SEMA6D: variants seen among roughly 807,000 people sequenced by gnomAD.
SEMA6D encodes the protein semaphorin-6D.
A neutral mutation model predicts 106.6 loss-of-function variants in SEMA6D; 35 were observed. That is an observed-to-expected ratio of 0.33 (90% CI 0.25 to 0.44). SEMA6D has a LOEUF of 0.44. SEMA6D is among the 20% of genes least tolerant of loss of function. The probability of loss-of-function intolerance (pLI) is 1.00; values close to 1 mark genes in which losing one functional copy is unlikely to be tolerated. For missense variants in SEMA6D, 1,185 were observed against 1,345.9 expected (o/e 0.88, Z 1.87); for synonymous variants, 499 against 487.7 (o/e 1.02, Z -0.31).
intron 1 of SEMA6D, among the ~76,000 whole-genome samples, chr15:47,747,214 A>C (rs1300963602): frequency 6.6e-6 from 1 of 152,090 alleles, no homozygotes; most frequent in Non-Finnish European, 1.5e-5. Context: ...AATGTTATTC[A>C]ATTTGAGTTA....
intron 3 of SEMA6D, among the ~76,000 whole-genome samples, chr15:47,542,629 C>T (rs7179135): frequency 0.13 from 19,157 of 152,186 alleles, 2,106 homozygotes; most frequent in African/African-American, 0.3. Context: ...GTTTACAGTA[C>T]TATTTTGCTT....
At chr15:47,356,393 GCC>G (rs1395851663) in intron 1 of SEMA6D, among the ~76,000 whole-genome samples, 3 of 152,104 alleles carry the variant, frequency 2.0e-5, no homozygotes, top group African/African-American at 7.2e-5. Flanking sequence ...CATGAGAAGT[GCC>G]CCACAGTACA....
rs2036259367 is a variant in SEMA6D, at chr15:47,307,017, C to CAAAT, written c.-238-105375_-238-105372dup. On this transcript the variant is annotated intron_variant, in intron 1 of 19. Transcript: ENST00000558014. ...CATTATAGTTTTTACATACACAACC[C>CAAAT]AAATGCCTGTGTTTGAATCCTGGTT... 2.0e-5 allele frequency among the ~76,000 whole-genome samples: 3 copies of CAAAT among 152,280 alleles called. No individual in the cohort carries two copies. The East Asian group carries it at 5.8e-4, about 29-fold the overall frequency.
chr15:47,272,776 A>C (rs970785324), intron 1 of SEMA6D: 2 of 152,340 alleles, frequency 1.3e-5, no homozygotes, highest in Non-Finnish European at 2.9e-5. Flanking sequence ...AGACCAATAG[A>C]GAGTATACAA....
At chr15:47,202,511 A>C (rs1489072423) in intron 1 of SEMA6D, among the ~76,000 whole-genome samples, 1 of 152,128 alleles carries the variant, frequency 6.6e-6, no homozygotes, top group Middle Eastern at 3.2e-3. Context: ...CTAGCAGGCC[A>C]CTGCACATAT....
rs760967305 is a variant in SEMA6D, at chr15:47,772,563, CT to C, written c.*781del. 4.6e-5 allele frequency: 7 copies of C among 152,512 alleles called. No individual in the cohort carries two copies. The highest frequency in any genetic ancestry group is 1.0e-4 in the Non-Finnish European group (7 of 68,010). The allele number at this position is 152,512 out of a possible 1,614,324, so 9.4% of individuals were successfully genotyped here. On this transcript the variant is annotated 3_prime_UTR_variant, in exon 19 of 19. Transcript: ENST00000536845. ...CTCCTTTGACCATCAAAATGATGAA[CT>C]TTACTTATGTGGTACCCAATGCCAG...
intron 1 of SEMA6D, among the ~76,000 whole-genome samples, chr15:47,203,700 G>C (rs1052335627): frequency 6.6e-6 from 1 of 152,142 alleles, no homozygotes; most frequent in Non-Finnish European, 1.5e-5. Flanking sequence ...TGTAATAAGA[G>C]TGTCAACCTT....
chr15:47,664,840 T>A (rs1025285963), intron 4 of SEMA6D, among the ~76,000 whole-genome samples: 6 of 152,212 alleles, frequency 3.9e-5, no homozygotes. Context: ...CAATCAACTC[T>A]GCATGCAGTT....
At chr15:47,293,170 C>T (rs1045888666) in intron 1 of SEMA6D, among the ~76,000 whole-genome samples, 4 of 152,116 alleles carry the variant, frequency 2.6e-5, no homozygotes, top group Non-Finnish European at 4.4e-5. Context: ...AGATGCCTTG[C>T]GGCCCACCTG....
chr15:47,394,649 G>A (rs1008559755), intron 1 of SEMA6D, among the ~76,000 whole-genome samples: 2 of 152,128 alleles, frequency 1.3e-5, no homozygotes, highest in African/African-American at 4.8e-5. Flanking sequence ...TTCACAGCAG[G>A]ATCACTACTG....
intron 1 of SEMA6D, among the ~76,000 whole-genome samples, chr15:47,285,944 T>A (rs542375651): frequency 6.6e-6 from 1 of 152,340 alleles, no homozygotes; most frequent in South Asian, 2.1e-4. Context: ...AGATTTTTTT[T>A]AAAAGCAAAG....
chr15:47,195,211 A>G (rs1422552231), intron 1 of SEMA6D, among the ~76,000 whole-genome samples: 1 of 152,170 alleles, frequency 6.6e-6, no homozygotes, highest in Non-Finnish European at 1.5e-5. Context: ...AAGAGGAAAG[A>G]TGGACACAGA....
upstream of SEMA6D, among the ~76,000 whole-genome samples, chr15:47,714,265 A>C (rs189147539): frequency 2.0e-5 from 3 of 152,172 alleles, no homozygotes; most frequent in Admixed American, 2.0e-4. Context: ...TTCAACTCCT[A>C]CTTGCTTACT....
intron 1 of SEMA6D, among the ~76,000 whole-genome samples, chr15:47,224,971 C>G (rs147499958): frequency 6.6e-6 from 1 of 151,740 alleles, no homozygotes; most frequent in East Asian, 1.9e-4. Flanking sequence ...GTTCTGATAT[C>G]TGAGGTCACG....
intron 4 of SEMA6D, among the ~76,000 whole-genome samples, chr15:47,709,698 C>T (rs1027222941): frequency 2.0e-5 from 3 of 152,096 alleles, no homozygotes; most frequent in African/African-American, 7.2e-5. Flanking sequence ...AACTCACCGT[C>T]TCTTAGAGTA....
chr15:47,640,255 C>T (rs1329710556), intron 4 of SEMA6D, among the ~76,000 whole-genome samples: 2 of 152,200 alleles, frequency 1.3e-5, no homozygotes, highest in South Asian at 2.1e-4. Context: ...AGGAAAGATT[C>T]CCATGCACGA....
chr15:47,768,858 T>G, intron 18 of SEMA6D, 110 bp downstream of exon 18: 2 of 997,936 alleles, frequency 2.0e-6, no homozygotes, highest in Non-Finnish European at 2.9e-6. Context: ...CTTCTGCGGT[T>G]GTACCTCCAC....
intron 4 of SEMA6D, among the ~76,000 whole-genome samples, chr15:47,662,388 C>T (rs542991092): frequency 5.6e-4 from 86 of 152,246 alleles, no homozygotes; most frequent in Middle Eastern, 6.8e-3. Context: ...TTTGAGTGCA[C>T]CACTGAAACT....
chr15:47,273,815 T>C (rs559536090), intron 1 of SEMA6D, among the ~76,000 whole-genome samples: 2 of 152,320 alleles, frequency 1.3e-5, no homozygotes, highest in South Asian at 4.1e-4. Flanking sequence ...CAGTATTTCA[T>C]TAAATCTTCA....
Sources: gnomAD v4.1 joint callset for allele counts (sites outside exome capture counted in the v4.1 genomes callset) on GRCh38, gnomAD v4.1.1 for gene constraint, MANE v1.5 for transcripts, NCBI Gene and HGNC (gene_info 2026-07-23, HGNC 2026-07-21) for gene names.